Variants in ZFAND3 observed in about 807,000 individuals in gnomAD.
ZFAND3 encodes AN1-type zinc finger protein 3.
ZFAND3 carries 10 observed loss-of-function variants against 29.6 expected under a neutral mutation model. The ratio of observed to expected loss-of-function variants is 0.34; its 90% confidence interval spans 0.21 to 0.57. ZFAND3 has a LOEUF of 0.57. Among genes scored for constraint, ZFAND3 ranks in the 20% least tolerant of loss-of-function variants. The probability of loss-of-function intolerance (pLI) is 0.86; values close to 1 mark genes in which losing one functional copy is unlikely to be tolerated. For synonymous variants in ZFAND3, 128 were observed against 112.6 expected (o/e 1.14, Z -0.87); for missense variants, 230 against 304.5 (o/e 0.76, Z 1.82).
At chr6:37,865,177 CAA>C (rs1196566541) in intron 1 of ZFAND3, among the ~76,000 whole-genome samples, 3 of 151,366 alleles carry the variant, frequency 2.0e-5, no homozygotes, top group East Asian at 3.9e-4. Flanking sequence ...CACTTCGTCT[CAA>C]AAAAAATAAA....
chr6:37,871,164 AGTTTTCTTATTT>A (rs1235583366), intron 1 of ZFAND3, among the ~76,000 whole-genome samples: 1 of 152,058 alleles, frequency 6.6e-6, no homozygotes, highest in Non-Finnish European at 1.5e-5. Flanking sequence ...AGTACTCTTC[AGTTTTCTTATTT>A]TTTCCCTCTG....
At chr6:38,106,890 A>T (rs764183663) in intron 4 of ZFAND3, among the ~76,000 whole-genome samples, 2 of 152,232 alleles carry the variant, frequency 1.3e-5, no homozygotes, top group South Asian at 4.1e-4. Flanking sequence ...CGAGAAGCCT[A>T]TATAAATTAA....
At chr6:38,082,294 A>T (rs545289532) in intron 3 of ZFAND3, 98 bp from the exon 4 acceptor site, 3 of 1,076,540 alleles carry the variant, frequency 2.8e-6, no homozygotes, top group African/African-American at 3.2e-5. Context: ...TTTCAGGTTG[A>T]TCTTTTCCTT....
At chr6:38,143,377 G>A (rs972218802) in intron 5 of ZFAND3, among the ~76,000 whole-genome samples, 5 of 152,256 alleles carry the variant, frequency 3.3e-5, no homozygotes, top group Non-Finnish European at 7.3e-5. Flanking sequence ...GGCTCTCTGA[G>A]AGCGATGTGA....
At chr6:37,933,953 T>G (rs1761646220) in intron 2 of ZFAND3, among the ~76,000 whole-genome samples, 1 of 149,410 alleles carries the variant, frequency 6.7e-6, no homozygotes, top group Non-Finnish European at 1.5e-5. Flanking sequence ...AGTGGCGCGA[T>G]CTCTGCTTAC....
chr6:37,863,099 C>T (rs955337143), intron 1 of ZFAND3, among the ~76,000 whole-genome samples: 24 of 152,188 alleles, frequency 1.6e-4, no homozygotes, highest in Admixed American at 1.3e-3. Context: ...TCCTAGGAGT[C>T]TGATTCCTGC....
chr6:37,904,515 G>T (rs929957746), intron 1 of ZFAND3, among the ~76,000 whole-genome samples: 6 of 152,148 alleles, frequency 3.9e-5, no homozygotes, highest in African/African-American at 1.4e-4. Flanking sequence ...TGAAAATGTG[G>T]ATTCTGGGAT....
chr6:37,981,162 A>G lies in ZFAND3; in HGVS notation c.112+51163A>G, dbSNP rs2003214. Among the ~76,000 whole-genome samples, 195 of 152,312 alleles carry G rather than the reference A, an allele frequency of 1.3e-3. 1 individual carries two copies. Among genetic ancestry groups the G allele is most frequent in the African/African-American group, 1.8e-3 (74 of 41,580 alleles). On this transcript the variant is annotated intron_variant, in intron 2 of 5. Transcript: ENST00000287218. ...AGTTCCAGCCTAGAGGCTGATAGGG[A>G]TGCTTGTGGTGATAGATGTATAGGT... is the stretch of plus-strand genomic sequence containing the variant.
chr6:38,022,823 A>G (rs1763376230), intron 2 of ZFAND3, among the ~76,000 whole-genome samples: 1 of 152,182 alleles, frequency 6.6e-6, no homozygotes, highest in Admixed American at 6.5e-5. Flanking sequence ...GATTACCATT[A>G]TTTTGATCCT....
intron 4 of ZFAND3, among the ~76,000 whole-genome samples, chr6:38,099,883 A>T (rs1469188782): frequency 6.6e-6 from 1 of 152,170 alleles, no homozygotes; most frequent in Non-Finnish European, 1.5e-5. Flanking sequence ...AAATATGCAG[A>T]TGGCTTTTAA....
intron 5 of ZFAND3, among the ~76,000 whole-genome samples, chr6:38,151,936 G>C (rs903857803): frequency 6.6e-6 from 1 of 152,134 alleles, no homozygotes; most frequent in Non-Finnish European, 1.5e-5. Flanking sequence ...GGAGAGGAGC[G>C]CAGAGCCCAC....
intron 1 of ZFAND3, among the ~76,000 whole-genome samples, chr6:37,874,313 C>T (rs141753844): frequency 0.13 from 19,790 of 152,008 alleles, 2,103 homozygotes; most frequent in African/African-American, 0.3. Flanking sequence ...GTCGGGAGTT[C>T]GAGAACAGCC....
In ZFAND3 at chr6:38,154,533, T is replaced by A. The variant is rs1026683870; in HGVS notation, c.*2144T>A. Reference sequence around the variant, plus strand: ...TACACACATAGCCTAGAGCTCAGTTTTAGTTTTAACATTGTGAAAATATTA... The same window carrying A: ...TACACACATAGCCTAGAGCTCAGTTATAGTTTTAACATTGTGAAAATATTA... On this transcript the variant is annotated 3_prime_UTR_variant, in exon 6 of 6. Transcript: ENST00000287218. 1.0e-6 allele frequency: 1 copy of A among 979,118 alleles called. No individual in the cohort carries two copies. Among genetic ancestry groups the A allele is most frequent in the African/African-American group, 1.8e-5 (1 of 57,096 alleles). The allele number at this position is 979,118 out of a possible 1,614,324, so 60.7% of individuals were successfully genotyped here.
At chr6:37,896,514 T>TTTTCTTTTCTTTCTTTCTTTC (rs71542145) in intron 1 of ZFAND3, among the ~76,000 whole-genome samples, 2 of 109,176 alleles carry the variant, frequency 1.8e-5, no homozygotes, top group South Asian at 3.3e-4. Context: ...TTCCTCTTTC[T>TTTTCTTTTCTTTCTTTCTTTC]TTTCTTTCTT....
intron 1 of ZFAND3, among the ~76,000 whole-genome samples, chr6:37,916,736 TC>T (rs1284657135): frequency 6.6e-6 from 1 of 152,256 alleles, no homozygotes; most frequent in Non-Finnish European, 1.5e-5. Flanking sequence ...TTTCGCAGTT[TC>T]TGGTACCTGC....
chr6:37,850,458 A>G (rs1764260656), intron 1 of ZFAND3, among the ~76,000 whole-genome samples: 1 of 152,206 alleles, frequency 6.6e-6, no homozygotes, highest in Non-Finnish European at 1.5e-5. Context: ...AATGGGTAAT[A>G]GTCATGTCAG....
intron 2 of ZFAND3, among the ~76,000 whole-genome samples, chr6:37,933,463 C>T (rs183509844): frequency 6.6e-6 from 1 of 152,268 alleles, no homozygotes; most frequent in Non-Finnish European, 1.5e-5. Context: ...CAATAGCCAT[C>T]ATTACTTAAG....
chr6:37,937,600 A>G (rs543958238), intron 2 of ZFAND3, among the ~76,000 whole-genome samples: 1 of 136,228 alleles, frequency 7.3e-6, no homozygotes, highest in Non-Finnish European at 1.5e-5. Context: ...GGTTGCAGTG[A>G]GCCGAGATCA....
chr6:37,820,539 C>T (rs980595332), intron 1 of ZFAND3, among the ~76,000 whole-genome samples: 2 of 152,322 alleles, frequency 1.3e-5, no homozygotes, highest in East Asian at 3.9e-4. Flanking sequence ...GCTATTCACA[C>T]GTCACCCGTT....
Sources: gnomAD v4.1 joint callset for allele counts (sites outside exome capture counted in the v4.1 genomes callset) on GRCh38, gnomAD v4.1.1 for gene constraint, MANE v1.5 for transcripts, NCBI Gene and HGNC (gene_info 2026-07-23, HGNC 2026-07-21) for gene names.